MSRA: variants seen among roughly 807,000 people sequenced by gnomAD.
MSRA encodes the protein mitochondrial peptide methionine sulfoxide reductase.
Under a neutral mutation model 31.3 loss-of-function variants are expected in MSRA, and 54 were observed. The observed-to-expected ratio is 1.73, with a 90% CI of 1.39 to 2.17. The LOEUF is 2.17. MSRA is among the 30% of genes most tolerant of loss of function. MSRA has a pLI of 0.00. For synonymous variants in MSRA, 169 were observed against 116.5 expected (o/e 1.45, Z -2.90); for missense variants, 507 against 300.9 (o/e 1.69, Z -5.07).
At chr8:10,379,979 G>A (rs970797548) in intron 5 of MSRA, among the ~76,000 whole-genome samples, 2 of 152,222 alleles carry the variant, frequency 1.3e-5, no homozygotes, top group Non-Finnish European at 2.9e-5. Context: ...GAGAGGGTGG[G>A]CCTACAATGA....
intron 4 of MSRA, among the ~76,000 whole-genome samples, chr8:10,310,588 T>G (rs1801381593): frequency 6.6e-6 from 1 of 152,246 alleles, no homozygotes. Context: ...CTGTGCGCAA[T>G]GCTAAGTGCT....
chr8:10,278,490 C>G (rs1286533597), intron 3 of MSRA, among the ~76,000 whole-genome samples: 2 of 152,218 alleles, frequency 1.3e-5, no homozygotes, highest in African/African-American at 2.4e-5. Flanking sequence ...TTCTGTGGCT[C>G]TGCTATCTCC....
intron 1 of MSRA, among the ~76,000 whole-genome samples, chr8:10,055,990 A>T (rs1377726715): frequency 6.6e-6 from 1 of 152,102 alleles, no homozygotes; most frequent in Non-Finnish European, 1.5e-5. Context: ...CTAGATTAGT[A>T]AACATCTATA....
chr8:10,345,489 C>G (rs1458019835), intron 5 of MSRA, among the ~76,000 whole-genome samples: 2 of 152,180 alleles, frequency 1.3e-5, no homozygotes, highest in East Asian at 1.9e-4. Flanking sequence ...GACTTCAGCA[C>G]ACACATACAC....
chr8:10,347,204 C>A (rs1249978083), intron 5 of MSRA, among the ~76,000 whole-genome samples: 1 of 152,116 alleles, frequency 6.6e-6, no homozygotes, highest in Non-Finnish European at 1.5e-5. Flanking sequence ...TCCCTTGCAC[C>A]GTGTCTGGCT....
At chr8:10,072,383 G>C (rs946247059) in intron 1 of MSRA, among the ~76,000 whole-genome samples, 3 of 150,180 alleles carry the variant, frequency 2.0e-5, no homozygotes, top group East Asian at 2.0e-4. Flanking sequence ...CCATTGATTT[G>C]CTTCTGCATT....
At chr8:10,313,741 A>T (rs1479528820) in intron 4 of MSRA, among the ~76,000 whole-genome samples, 4 of 152,254 alleles carry the variant, frequency 2.6e-5, no homozygotes, top group Non-Finnish European at 5.9e-5. Context: ...ATACTTGCAT[A>T]AGAACAAGAG....
At chr8:10,235,062 A>T (rs923985655) in intron 2 of MSRA, among the ~76,000 whole-genome samples, 1 of 152,138 alleles carries the variant, frequency 6.6e-6, no homozygotes, top group African/African-American at 2.4e-5. Context: ...ACAAATTGAT[A>T]AGCTTGTCCA....
intron 1 of MSRA, among the ~76,000 whole-genome samples, chr8:10,132,907 T>A (rs1045837086): frequency 6.6e-6 from 1 of 152,214 alleles, no homozygotes; most frequent in Non-Finnish European, 1.5e-5. Context: ...TCTTGGCCAT[T>A]TGCATACTGA....
rs1052354835 is a variant in MSRA, at chr8:10,386,749, G to C, written c.544-41399G>C. 2.6e-5 allele frequency among the ~76,000 whole-genome samples: 4 copies of C among 151,946 alleles called. No homozygotes were observed. The East Asian group carries it at 7.7e-4, about 29-fold the overall frequency. On this transcript the variant is annotated intron_variant, in intron 5 of 5. Transcript: ENST00000317173. ...TCTAATTTAGCCTGCACAGGTGATG[G>C]GTTCTACTTCTAAAAATGAGGGATG...
intron 4 of MSRA, among the ~76,000 whole-genome samples, chr8:10,302,393 T>C (rs534131212): frequency 2.0e-5 from 3 of 152,382 alleles, no homozygotes; most frequent in South Asian, 2.1e-4. Flanking sequence ...TCCTATGCAA[T>C]AGATGTGGTT....
chr8:10,198,829 A>C lies in MSRA; in HGVS notation c.143-9004A>C, dbSNP rs371526369. On this transcript the variant is annotated intron_variant, in intron 1 of 5. Coordinates refer to ENST00000317173, the MANE Select transcript of MSRA (RefSeq NM_012331.5). ...TTTTTGTAGCAATGGGAGTCTCGCT[A>C]TGTTGCCCAGGTTGGCTTTTGGCAT... Among the ~76,000 whole-genome samples the C allele has an allele frequency of 2.9e-4, 44 of 152,196 alleles. No individual in the cohort carries two copies. The South Asian group carries it at 8.5e-3, about 29-fold the overall frequency.
intron 5 of MSRA, among the ~76,000 whole-genome samples, chr8:10,351,245 C>CTT (rs71203317): frequency 0.034 from 1,938 of 56,800 alleles, 479 homozygotes; most frequent in African/African-American, 0.06. Context: ...CTGAAGGAGA[C>CTT]TTTTTTTTTT....
intron 1 of MSRA, among the ~76,000 whole-genome samples, chr8:10,185,622 T>TG (rs1377426853): frequency 6.6e-6 from 1 of 152,086 alleles, no homozygotes; most frequent in African/African-American, 2.4e-5. Flanking sequence ...GAGAGAGCAA[T>TG]GGAGAAGAAA....
At chr8:10,097,470 A>G (rs1234303613) in intron 1 of MSRA, among the ~76,000 whole-genome samples, 1 of 152,192 alleles carries the variant, frequency 6.6e-6, no homozygotes, top group Non-Finnish European at 1.5e-5. Flanking sequence ...TCATGCTTAT[A>G]CTAAAAAACA....
chr8:10,152,241 A>G (rs1803747959), intron 1 of MSRA, among the ~76,000 whole-genome samples: 1 of 152,250 alleles, frequency 6.6e-6, no homozygotes, highest in Non-Finnish European at 1.5e-5. Context: ...GTGTGTATCT[A>G]AAAACATATA....
chr8:10,326,815 G>A (rs1188528331), intron 5 of MSRA, among the ~76,000 whole-genome samples: 2 of 152,116 alleles, frequency 1.3e-5, no homozygotes, highest in African/African-American at 4.8e-5. Flanking sequence ...TCTCCCAAGT[G>A]AGCCCATCAT....
chr8:10,070,742 G>A (rs79843831), intron 1 of MSRA, among the ~76,000 whole-genome samples: 2 of 152,172 alleles, frequency 1.3e-5, no homozygotes, highest in East Asian at 1.9e-4. Flanking sequence ...TTACATAAAC[G>A]ATGTCATATA....
At chr8:10,309,666 C>A (rs59767984) in intron 4 of MSRA, among the ~76,000 whole-genome samples, 2,267 of 152,306 alleles carry the variant, frequency 0.015, 65 homozygotes, top group African/African-American at 0.051. Flanking sequence ...CCTGGGGCCC[C>A]AGGGCCACAC....
Sources: allele counts gnomAD v4.1 joint callset (sites outside exome capture counted in the v4.1 genomes callset), GRCh38; gene constraint gnomAD v4.1.1; transcripts MANE v1.5; gene names NCBI Gene and HGNC (gene_info 2026-07-23, HGNC 2026-07-21).